The following TMEM176B variants were observed in gnomAD, a reference collection of about 807,000 sequenced individuals.
TMEM176B encodes transmembrane protein 176B.
A neutral mutation model predicts 30.3 loss-of-function variants in TMEM176B; 28 were observed. That is an observed-to-expected ratio of 0.92 (90% CI 0.68 to 1.27). The LOEUF (loss-of-function observed/expected upper bound fraction) is 1.27. Among genes scored for constraint, TMEM176B ranks in the 50% most tolerant of loss-of-function variants. The pLI is 0.00. For missense variants in TMEM176B, 349 were observed against 327.4 expected, an observed-to-expected ratio of 1.07 and a Z score of -0.51; for synonymous variants, 123 against 130.3, an observed-to-expected ratio of 0.94 and a Z score of 0.38.
At chr7:150,798,421 G>A (rs374418588) in intron 1 of TMEM176B, among the ~76,000 whole-genome samples, 2 of 151,944 alleles carry the variant, frequency 1.3e-5, no homozygotes, top group African/African-American at 2.4e-5. Flanking sequence ...AACTACAGGC[G>A]CCCGCCATCA....
Position 150,791,633 on chromosome 7 carries a change from A to G in TMEM176B, c.721-10T>C. The G allele has an allele frequency of 6.2e-7, 1 of 1,611,026 alleles. No individual in the cohort carries two copies. The highest frequency in any genetic ancestry group is 8.5e-7 in the Non-Finnish European group (1 of 1,177,874). The stretch of plus-strand genomic sequence containing the variant: ...CTGATCCTTCCTCATTCTGGAAAAA[A>G]AAGAAAAAAGAAATCCTTAGGGGAA... On this transcript the variant is annotated splice_polypyrimidine_tract_variant and intron_variant, in intron 6 of 6. Transcript: ENST00000326442.
rs1017640683 is a variant in TMEM176B at position 150,796,648 on chromosome 7, G to A, written c.-5-74C>T. ...GAAAAATACACAGCACAGGTGAAAG[G>A]AGAGAAATAGTGTCTTTGTCAAGAT... On this transcript the variant is annotated intron_variant, in intron 1 of 6. Coordinates refer to ENST00000326442, the MANE Select transcript of TMEM176B (RefSeq NM_001101312.2). 5.6e-6 allele frequency: 8 copies of A among 1,425,604 alleles called. No homozygotes were observed. The Admixed American group carries it at 7.3e-5, about 13-fold the overall frequency. The allele number at this position is 1,425,604 out of a possible 1,614,324, so 88.3% of individuals were successfully genotyped here. A position where few individuals can be genotyped will look rare whatever the true frequency, so the allele number is the denominator to read the frequency against.
chr7:150,798,616 T>C (rs1203603463), intron 1 of TMEM176B, among the ~76,000 whole-genome samples: 1 of 152,028 alleles, frequency 6.6e-6, no homozygotes, highest in Non-Finnish European at 1.5e-5. Flanking sequence ...GTTGCTTTGT[T>C]GCCCAGGGTG....
chr7:150,794,184 C>T, intron 2 of TMEM176B, 113 bp from the exon 3 acceptor site: 1 of 691,662 alleles, frequency 1.4e-6, no homozygotes, highest in Non-Finnish European at 2.5e-6. Flanking sequence ...TTTTCCTCTG[C>T]CTTGACCTCT....
intron 1 of TMEM176B, among the ~76,000 whole-genome samples, chr7:150,798,522 G>A (rs1362714688): frequency 5.9e-5 from 9 of 152,062 alleles, no homozygotes; most frequent in Non-Finnish European, 8.8e-5. Flanking sequence ...TGATCCGCCC[G>A]CCTCGGCCTC....
At chr7:150,793,023 G>A in intron 5 of TMEM176B, 65 bp downstream of exon 5, 1 of 1,519,016 alleles carries the variant, frequency 6.6e-7, no homozygotes, top group Non-Finnish European at 9.1e-7. Context: ...GTCCTCCAGG[G>A]CCCCCAGCTC....
chr7:150,793,590 G>C lies in TMEM176B; in HGVS notation c.326C>G (p.Ala109Gly), dbSNP rs747001871. 2 of 1,613,508 alleles carry C rather than the reference G, an allele frequency of 1.2e-6. No individual in the cohort carries two copies. The highest frequency in any genetic ancestry group is 1.7e-6 in the Non-Finnish European group (2 of 1,179,736). Residue 109 changes from alanine (A) to glycine (G), a missense_variant, in exon 4 of 7, where the codon GCA becomes GGA. Ala to Gly is a moderately conservative substitution (Grantham distance 60, BLOSUM62 0). Transcript: ENST00000326442. ...AFWAGSVVIA[A>G]GAGAIVHEKH... ...CTCATGGACAATGGCCCCAGCTCCT[G>C]CTGCGATCACCTGAAAAGAGACACC...
chr7:150,794,134 G>A, intron 2 of TMEM176B, 63 bp from the exon 3 acceptor site: 2 of 1,358,594 alleles, frequency 1.5e-6, no homozygotes, highest in Non-Finnish European at 2.1e-6. Context: ...GCTGCCCTGG[G>A]ACCAGCTGCC....
chr7:150,794,335 C>T (rs1179642892), intron 2 of TMEM176B, among the ~76,000 whole-genome samples: 1 of 152,004 alleles, frequency 6.6e-6, no homozygotes, highest in Non-Finnish European at 1.5e-5. Context: ...CTCATCCCAC[C>T]TGAAGATTCC....
chr7:150,793,036 T>C, intron 5 of TMEM176B, 52 bp downstream of exon 5: 3 of 1,590,476 alleles, frequency 1.9e-6, no homozygotes, highest in Non-Finnish European at 2.6e-6. Flanking sequence ...CCCAGCTCCC[T>C]GGGAAAAAAG....
chr7:150,793,913 C>CCAT (rs1212001060), intron 3 of TMEM176B, 48 bp downstream of exon 3: 2 of 1,470,596 alleles, frequency 1.4e-6, no homozygotes, highest in Non-Finnish European at 1.9e-6. Context: ...GCCTTCTTGC[C>CCAT]CATCACCACT....
chr7:150,799,851 A>T (rs1798695596), intron 1 of TMEM176B, among the ~76,000 whole-genome samples: 2 of 151,890 alleles, frequency 1.3e-5, no homozygotes. Flanking sequence ...GATCTGAACC[A>T]GGCCGGCACC....
At chr7:150,800,540 C>A (rs1456845419), upstream of TMEM176B, 1 of 152,398 alleles carries the variant, frequency 6.6e-6, no homozygotes, top group Non-Finnish European at 1.5e-5. Flanking sequence ...CTCGCGCACA[C>A]TTGCACGCCG....
chr7:150,796,740 C>A (rs935947088), intron 1 of TMEM176B, 166 bp from the exon 2 acceptor site: 1 of 675,546 alleles, frequency 1.5e-6, no homozygotes, highest in African/African-American at 1.8e-5. Context: ...GGGTGGATTA[C>A]CTGAGGTCAG....
intron 5 of TMEM176B, 140 bp from the exon 6 acceptor site, chr7:150,792,315 G>A (rs1306197774): frequency 9.5e-6 from 11 of 1,161,534 alleles, no homozygotes; most frequent in Non-Finnish European, 1.3e-5. Flanking sequence ...TCCAGCCACA[G>A]CTTCCATCCC....
intron 1 of TMEM176B, 129 bp downstream of exon 1, chr7:150,800,169 T>A (rs1798716550): frequency 6.6e-6 from 1 of 152,446 alleles, no homozygotes; most frequent in Non-Finnish European, 1.5e-5. Flanking sequence ...TGAGTCCTCC[T>A]GGAAACCAGG....
At chr7:150,797,604 AT>A (rs569575832) in intron 1 of TMEM176B, among the ~76,000 whole-genome samples, 1 of 152,060 alleles carries the variant, frequency 6.6e-6, no homozygotes, top group Non-Finnish European at 1.5e-5. Context: ...TCACAGAAGT[AT>A]TTTTTTGTGT....
chr7:150,792,596 C>G lies in TMEM176B; in HGVS notation c.601-421G>C, dbSNP rs149238105. Among the ~76,000 whole-genome samples the G allele has an allele frequency of 1.5e-3, 224 of 152,300 alleles. 4 individuals are homozygous for G. The South Asian group carries it at 0.021, about 14-fold the overall frequency. On this transcript the variant is annotated intron_variant, in intron 5 of 6. Transcript: ENST00000326442. The stretch of plus-strand genomic sequence containing the variant: ...AGCCATTGCCGGCTCTTGCTGACAG[C>G]CCCCGCTGAGCTCCGGACCATGCAA...
At chr7:150,796,687 A>G in intron 1 of TMEM176B, 113 bp from the exon 2 acceptor site, 2 of 1,056,184 alleles carry the variant, frequency 1.9e-6, no homozygotes, top group Non-Finnish European at 2.8e-6. Flanking sequence ...AGCTGGGCAC[A>G]ATAGCTCACG....
Sources: gnomAD v4.1 joint callset for allele counts (sites outside exome capture counted in the v4.1 genomes callset) on GRCh38, gnomAD v4.1.1 for gene constraint, MANE v1.5 for transcripts, NCBI Gene and HGNC (gene_info 2026-07-23, HGNC 2026-07-21) for gene names.